Variants in GRIA1 observed in about 807,000 individuals in gnomAD.
GRIA1 encodes the protein glutamate ionotropic receptor AMPA type subunit 1.
A neutral mutation model predicts 99.2 loss-of-function variants in GRIA1; 31 were observed. That is an observed-to-expected ratio of 0.31 (90% confidence interval 0.23 to 0.42). GRIA1 has a LOEUF of 0.42. Ranked by LOEUF, GRIA1 falls within the 10% of genes least tolerant of loss-of-function variation. GRIA1 has a pLI of 1.00. For missense variants in GRIA1, 782 were observed against 1,157.5 expected (o/e 0.68, Z 4.71); for synonymous variants, 438 against 432.4 (o/e 1.01, Z -0.16).
At chr5:153,680,655 A>G (rs1756912245) in intron 7 of GRIA1, among the ~76,000 whole-genome samples, 2 of 152,126 alleles carry the variant, frequency 1.3e-5, no homozygotes, top group Non-Finnish European at 2.9e-5. Context: ...CCAGCCAACA[A>G]TCAAGCATAT....
At chr5:153,795,564 T>A in intron 14 of GRIA1, 1 of 1,611,004 alleles carries the variant, frequency 6.2e-7, no homozygotes, top group Non-Finnish European at 8.5e-7. Context: ...TAAAGGGGAA[T>A]GTGGAAGCAA....
intron 11 of GRIA1, among the ~76,000 whole-genome samples, chr5:153,729,520 G>C (rs1760855207): frequency 6.6e-6 from 1 of 152,004 alleles, no homozygotes; most frequent in African/African-American, 2.4e-5. Flanking sequence ...TTAGATTGGA[G>C]GTATTGGCTA....
chr5:153,722,708 T>C (rs1760166104), intron 11 of GRIA1, among the ~76,000 whole-genome samples: 1 of 152,212 alleles, frequency 6.6e-6, no homozygotes, highest in East Asian at 1.9e-4. Flanking sequence ...CTACTTAAGC[T>C]TTATAGTAAG....
At chr5:153,606,417 G>T (rs2149403751) in intron 2 of GRIA1, among the ~76,000 whole-genome samples, 1 of 152,158 alleles carries the variant, frequency 6.6e-6, no homozygotes, top group East Asian at 1.9e-4. Flanking sequence ...TTTAGAACCA[G>T]CATGTCACAT....
At chr5:153,646,882 C>CAAAAAG in intron 2 of GRIA1, 46 bp from the exon 3 acceptor site, 1 of 1,600,694 alleles carries the variant, frequency 6.2e-7, no homozygotes, top group Admixed American at 1.7e-5. Context: ...GTCATCTGAC[C>CAAAAAG]ACTTTTTGCA....
chr5:153,771,807 G>A (rs1377023474), intron 13 of GRIA1, among the ~76,000 whole-genome samples: 2 of 151,756 alleles, frequency 1.3e-5, no homozygotes, highest in East Asian at 3.9e-4. Flanking sequence ...GCTAAGCAAG[G>A]CAAAGTTATA....
At chr5:153,785,785 C>G (rs1453926678) in intron 13 of GRIA1, among the ~76,000 whole-genome samples, 2 of 152,162 alleles carry the variant, frequency 1.3e-5, no homozygotes, top group Non-Finnish European at 2.9e-5. Context: ...ACAGTTGTCC[C>G]ATGAACAACA....
At chr5:153,491,284 A>G in intron 1 of GRIA1, 1 of 1,298,856 alleles carries the variant, frequency 7.7e-7, no homozygotes, top group Non-Finnish European at 9.8e-7. Context: ...TGGGTGTTTA[A>G]GGAGTTAACT....
intron 2 of GRIA1, among the ~76,000 whole-genome samples, chr5:153,613,080 C>T (rs575846464): frequency 3.3e-5 from 5 of 152,290 alleles, no homozygotes; most frequent in East Asian, 3.9e-4. Context: ...TTCTTGGAGT[C>T]GGTCCTTTTT....
chr5:153,749,084 G>A (rs764967593), intron 11 of GRIA1, among the ~76,000 whole-genome samples: 20 of 152,152 alleles, frequency 1.3e-4, no homozygotes, highest in Non-Finnish European at 2.5e-4. Context: ...AACCAGCAAC[G>A]GAGACAACCA....
intron 14 of GRIA1, 79 bp downstream of exon 14, chr5:153,794,814 C>A: frequency 1.2e-6 from 1 of 801,472 alleles, no homozygotes; most frequent in Non-Finnish European, 2.1e-6. Flanking sequence ...TCTCCCAATA[C>A]CTATCCTGCT....
At chr5:153,777,212 A>C (rs554629658) in intron 13 of GRIA1, among the ~76,000 whole-genome samples, 65 of 152,226 alleles carry the variant, frequency 4.3e-4, no homozygotes, top group African/African-American at 1.6e-3. Flanking sequence ...ACAGCAGTCC[A>C]CTCTGGGAAC....
chr5:153,767,294 A>C (rs1406523444), intron 12 of GRIA1, among the ~76,000 whole-genome samples: 1 of 152,222 alleles, frequency 6.6e-6, no homozygotes, highest in African/African-American at 2.4e-5. Context: ...CAGAAGAGGA[A>C]CACTGAAGCT....
intron 8 of GRIA1, among the ~76,000 whole-genome samples, chr5:153,695,382 G>T (rs888718326): frequency 6.6e-6 from 1 of 152,196 alleles, no homozygotes; most frequent in African/African-American, 2.4e-5. Flanking sequence ...CTCTTGCGGG[G>T]AATCCCAATA....
At chr5:153,575,702 T>C (rs1286234840) in intron 2 of GRIA1, among the ~76,000 whole-genome samples, 2 of 152,170 alleles carry the variant, frequency 1.3e-5, no homozygotes, top group Non-Finnish European at 2.9e-5. Flanking sequence ...AAGTCTCCTG[T>C]GGCCTTTCCC....
At chr5:153,547,397 T>C (rs552730952) in intron 2 of GRIA1, among the ~76,000 whole-genome samples, 3 of 152,298 alleles carry the variant, frequency 2.0e-5, no homozygotes, top group Non-Finnish European at 4.4e-5. Flanking sequence ...CTGGACACAG[T>C]AGGCACTTAA....
chr5:153,760,756 A>T (rs1298506120), intron 11 of GRIA1, among the ~76,000 whole-genome samples: 1 of 152,156 alleles, frequency 6.6e-6, no homozygotes, highest in African/African-American at 2.4e-5. Flanking sequence ...GAAGCACCAC[A>T]CTACCTGACT....
intron 11 of GRIA1, among the ~76,000 whole-genome samples, chr5:153,707,263 A>T (rs1342611127): frequency 1.3e-5 from 2 of 152,102 alleles, no homozygotes; most frequent in Non-Finnish European, 2.9e-5. Context: ...TATATATTGG[A>T]CTTGTGAACA....
intron 5 of GRIA1, among the ~76,000 whole-genome samples, chr5:153,672,502 T>C (rs532116458): frequency 6.6e-6 from 1 of 151,560 alleles, no homozygotes; most frequent in African/African-American, 2.4e-5. Flanking sequence ...GACAGGGAAA[T>C]CACATTTCCA....
Sources: gnomAD v4.1 joint callset for allele counts (sites outside exome capture counted in the v4.1 genomes callset) on GRCh38, gnomAD v4.1.1 for gene constraint, MANE v1.5 for transcripts, NCBI Gene and HGNC (gene_info 2026-07-23, HGNC 2026-07-21) for gene names.